PHF21B: variants seen among roughly 807,000 people sequenced by gnomAD.
The protein encoded by PHF21B is PHD finger protein 4.
A neutral mutation model predicts 62.2 loss-of-function variants in PHF21B; 22 were observed. That is an observed-to-expected ratio of 0.35 (90% CI 0.25 to 0.51). PHF21B has a LOEUF of 0.51. PHF21B is among the 20% of genes least tolerant of loss of function. The pLI is 0.97. For missense variants in PHF21B, 701 were observed against 707.9 expected (o/e 0.99, Z 0.11); for synonymous variants, 341 against 314.7 (o/e 1.08, Z -0.88).
At chr22:44,927,743 C>T (rs1362222563) in intron 2 of PHF21B, among the ~76,000 whole-genome samples, 1 of 152,178 alleles carries the variant, frequency 6.6e-6, no homozygotes. Flanking sequence ...CAAGGGCTGA[C>T]CTTTCTGCTC....
At chr22:44,970,844 T>C (rs1462409203) in intron 2 of PHF21B, 1 of 152,214 alleles carries the variant, frequency 6.6e-6, no homozygotes, top group Admixed American at 6.5e-5. Flanking sequence ...CTTCCTTCAA[T>C]CTGCATGCTG....
chr22:44,985,426 T>C (rs2072928090), intron 2 of PHF21B, among the ~76,000 whole-genome samples: 1 of 151,764 alleles, frequency 6.6e-6, no homozygotes, highest in African/African-American at 2.4e-5. Flanking sequence ...TAGGCAACAG[T>C]GAGACCCTGT....
chr22:44,923,576 G>A (rs2071576054), intron 2 of PHF21B, among the ~76,000 whole-genome samples: 1 of 152,070 alleles, frequency 6.6e-6, no homozygotes. Context: ...GCAAAAAGTG[G>A]CCACACCCTG....
At chr22:44,926,333 C>T (rs1171725030) in intron 2 of PHF21B, among the ~76,000 whole-genome samples, 2 of 152,232 alleles carry the variant, frequency 1.3e-5, no homozygotes, top group Non-Finnish European at 1.5e-5. Context: ...AGGGGCAGGC[C>T]GTGGGGCCCC....
chr22:45,008,870 G>T, intron 1 of PHF21B: 2 of 1,176,872 alleles, frequency 1.7e-6, no homozygotes, highest in African/African-American at 3.2e-5. Context: ...GCCCCGAGCC[G>T]TGCAAGTTTG....
At chr22:44,930,063 G>GC (rs2071709891) in intron 2 of PHF21B, among the ~76,000 whole-genome samples, 1 of 152,204 alleles carries the variant, frequency 6.6e-6, no homozygotes, top group Non-Finnish European at 1.5e-5. Flanking sequence ...AACCAGACTT[G>GC]CCCGGGTCAC....
intron 2 of PHF21B, among the ~76,000 whole-genome samples, chr22:44,957,337 C>T (rs955816530): frequency 1.3e-5 from 2 of 152,196 alleles, no homozygotes; most frequent in African/African-American, 4.8e-5. Flanking sequence ...GCATGAAAAA[C>T]CCTCTGAAGG....
chr22:45,006,177 CCT>C (rs563928838), intron 2 of PHF21B, among the ~76,000 whole-genome samples: 121 of 152,306 alleles, frequency 7.9e-4, no homozygotes, highest in South Asian at 1.2e-3. Flanking sequence ...CCCTCCCCTC[CCT>C]CTTTTATGAG....
At chr22:44,941,651 ACGGAGTCCAC>A (rs1008767857) in intron 2 of PHF21B, among the ~76,000 whole-genome samples, 6 of 152,136 alleles carry the variant, frequency 3.9e-5, no homozygotes, top group Admixed American at 1.3e-4. Context: ...GCAGGGGTGG[ACGGAGTCCAC>A]CGTCACTTTA....
intron 2 of PHF21B, chr22:45,001,195 C>A (rs887304390): frequency 5.3e-5 from 8 of 152,334 alleles, no homozygotes; most frequent in African/African-American, 1.4e-4. Flanking sequence ...CCATTCACAG[C>A]GGTCCCAGGC....
chr22:44,964,977 AAACAATG>A (rs1385254427), intron 2 of PHF21B, among the ~76,000 whole-genome samples: 1 of 152,170 alleles, frequency 6.6e-6, no homozygotes, highest in Non-Finnish European at 1.5e-5. Context: ...GTGGTTGGGA[AAACAATG>A]CACATAGGGT....
intron 2 of PHF21B, among the ~76,000 whole-genome samples, chr22:44,924,526 A>G (rs138423219): frequency 1.3e-5 from 2 of 152,296 alleles, no homozygotes; most frequent in African/African-American, 4.8e-5. Flanking sequence ...TAGTGCTCTT[A>G]TAAGAAGAGA....
rs1034103859 is a variant in PHF21B, at chr22:44,907,236, C to T, written c.831+6586G>A. Among the ~76,000 whole-genome samples, 6 of 152,300 alleles carry T rather than the reference C, an allele frequency of 3.9e-5. No individual in the cohort carries two copies. The South Asian group carries it at 1.2e-3, about 32-fold the overall frequency. ...CTGGGTCCCCATTCTCTATGTATTGCTGTAGGTGCCATTTTCTGTTATGGC... is the reference window on the plus strand; with the variant it reads ...CTGGGTCCCCATTCTCTATGTATTGTTGTAGGTGCCATTTTCTGTTATGGC... On this transcript the variant is annotated intron_variant, in intron 5 of 12. Coordinates refer to ENST00000313237, the MANE Select transcript of PHF21B (RefSeq NM_138415.5).
intron 2 of PHF21B, among the ~76,000 whole-genome samples, chr22:44,986,053 C>G (rs12160924): frequency 1.3e-5 from 2 of 151,318 alleles, no homozygotes; most frequent in African/African-American, 2.4e-5. Flanking sequence ...ACCACCACTA[C>G]CATCACAATG....
intron 2 of PHF21B, among the ~76,000 whole-genome samples, chr22:44,964,738 G>A (rs1158058979): frequency 1.3e-5 from 2 of 152,162 alleles, no homozygotes; most frequent in Non-Finnish European, 2.9e-5. Flanking sequence ...TATTTTCTAG[G>A]AGGGATTTTA....
chr22:44,885,901 A>G lies in PHF21B; in HGVS notation c.1235T>C (p.Met412Thr). The G allele has an allele frequency of 6.2e-7, 1 of 1,614,122 alleles. No homozygotes were observed. The highest frequency in any genetic ancestry group is 1.3e-5 in the African/African-American group (1 of 75,054). Residue 412 changes from methionine (M) to threonine (T), a missense_variant, in exon 11 of 13, where the codon ATG (methionine) becomes ACG (threonine). Coordinates refer to ENST00000313237, the MANE Select transcript of PHF21B (RefSeq NM_138415.5). ...KKDEGVPWTG[M>T]LAIVHSYVTH... ...GACATAAGAGTGCACGATGGCCAGC[A>G]TCCCAGTCCAGGGCACACCCTCGTC...
At chr22:45,008,807 C>T in intron 1 of PHF21B, 197 bp from the exon 2 acceptor site, 2 of 1,179,130 alleles carry the variant, frequency 1.7e-6, no homozygotes, top group Admixed American at 4.6e-5. Flanking sequence ...TGGCTGCCGC[C>T]TCATCGGGGC....
intron 2 of PHF21B, among the ~76,000 whole-genome samples, chr22:44,991,059 G>A (rs746024209): frequency 2.6e-5 from 4 of 152,196 alleles, no homozygotes; most frequent in Admixed American, 1.3e-4. Flanking sequence ...GGGCTGTCAC[G>A]AGGGTGCCGT....
At chr22:44,928,515 T>C (rs1490957805) in intron 2 of PHF21B, among the ~76,000 whole-genome samples, 2 of 152,156 alleles carry the variant, frequency 1.3e-5, no homozygotes. Context: ...GTTCAAGTGA[T>C]TCTCCTGCCT....
Sources: allele counts gnomAD v4.1 joint callset (sites outside exome capture counted in the v4.1 genomes callset), GRCh38; gene constraint gnomAD v4.1.1; transcripts MANE v1.5; gene names NCBI Gene and HGNC (gene_info 2026-07-23, HGNC 2026-07-21).